Variants in AKAP9 observed in about 807,000 individuals in gnomAD.
AKAP9 encodes A-kinase anchor protein 9.
In AKAP9, 311 loss-of-function variants were observed where a neutral mutation model predicts 488.5. That is an observed-to-expected ratio of 0.64 (90% CI 0.58 to 0.70). The LOEUF (loss-of-function observed/expected upper bound fraction) is 0.70. Among genes scored for constraint, AKAP9 ranks in the 30% least tolerant of loss-of-function variants. AKAP9 has a pLI of 0.00. For missense variants in AKAP9, 4,215 were observed against 4,374.5 expected, an observed-to-expected ratio of 0.96 and a Z score of 1.03; for synonymous variants, 1,462 against 1,483.5, an observed-to-expected ratio of 0.99 and a Z score of 0.33.
intron 1 of AKAP9, among the ~76,000 whole-genome samples, chr7:91,954,209 G>A (rs1792651435): frequency 6.6e-6 from 1 of 152,134 alleles, no homozygotes; most frequent in South Asian, 2.1e-4. Context: ...CTGCATGTCA[G>A]TTTGCACATG....
At chr7:92,008,073 T>C (rs965963739) in intron 8 of AKAP9, among the ~76,000 whole-genome samples, 1 of 152,162 alleles carries the variant, frequency 6.6e-6, no homozygotes, top group Non-Finnish European at 1.5e-5. Context: ...AAGTTTATTA[T>C]TTGAAAACAC....
intron 10 of AKAP9, among the ~76,000 whole-genome samples, chr7:92,015,588 T>G (rs1801397503): frequency 6.6e-6 from 1 of 152,098 alleles, no homozygotes; most frequent in African/African-American, 2.4e-5. Context: ...GGTCTTGAAC[T>G]CCTGACCTCA....
Position 92,097,031 on chromosome 7 carries a change from C to A in AKAP9, c.10072C>A (p.Arg3358Ser). The A allele has an allele frequency of 6.2e-7, 1 of 1,614,138 alleles. No individual in the cohort carries two copies. The highest frequency in any genetic ancestry group is 1.1e-5 in the South Asian group (1 of 91,060). Residue 3358 changes from arginine to serine, a missense_variant, in exon 41 of 50, where the codon CGC (arginine) becomes AGC (serine). Transcript: ENST00000356239. ...LQKQLEEKHS[R>S]IVELLNETEK... ...GAAACAGCTAGAGGAAAAACACAGT[C>A]GCATAGTAGAATTGTTAAATGAGAC...
chr7:92,097,007 A>G lies in AKAP9; in HGVS notation c.10048A>G (p.Lys3350Glu). The G allele has an allele frequency of 6.2e-7, 1 of 1,614,198 alleles. No homozygotes were observed. Among genetic ancestry groups the G allele is most frequent in the Non-Finnish European group, 8.5e-7 (1 of 1,180,006 alleles). Reference protein sequence around the residue: ...PSEDLLKELQKQLEEKHSRIV... With the variant: ...PSEDLLKELQEQLEEKHSRIV... ...AGAGGACCTACTGAAAGAGCTGCAG[A>G]AACAGCTAGAGGAAAAACACAGTCG... The change falls in exon 41 of 50, where the codon AAA (lysine) becomes GAA (glutamate). Residue 3350 changes from lysine to glutamate, a missense_variant. This residue lies in a region of AKAP9 where 1,476 missense variants were observed against 1,477.4 expected (regional missense o/e 1.00). Coordinates refer to ENST00000356239, the MANE Select transcript of AKAP9 (RefSeq NM_005751.5).
intron 2 of AKAP9, among the ~76,000 whole-genome samples, chr7:91,974,830 C>T (rs1795464024): frequency 6.6e-6 from 1 of 151,800 alleles, no homozygotes; most frequent in African/African-American, 2.4e-5. Context: ...TACTCTCAAG[C>T]ATTTTATTTT....
chr7:91,993,195 T>TTC, intron 5 of AKAP9, 140 bp downstream of exon 5: 6 of 441,412 alleles, frequency 1.4e-5, no homozygotes, highest in East Asian at 6.2e-5. Context: ...CTTCTTCTTC[T>TTC]TTTTTTTTTT....
At position 92,029,972 on chromosome 7, in the gene AKAP9, A is replaced by G; in HGVS notation, c.4226A>G (p.Asn1409Ser). ...TMYPGSCVKKNIDGTIEFSGE... is the reference protein window; with the variant it reads ...TMYPGSCVKKSIDGTIEFSGE... ...TACCCTGGAAGTTGTGTGAAAAAGAATATTGATGGTACAATAGAGGTATTA... is the reference window on the plus strand; with the variant it reads ...TACCCTGGAAGTTGTGTGAAAAAGAGTATTGATGGTACAATAGAGGTATTA... Residue 1409 changes from asparagine to serine, a missense_variant, in exon 15 of 50, where the codon AAT (asparagine) becomes AGT (serine). Physicochemically the swap from Asn to Ser is conservative, Grantham distance 46. Transcript: ENST00000356239. The G allele has an allele frequency of 5.6e-6, 9 of 1,608,262 alleles. No individual in the cohort carries two copies. Among genetic ancestry groups the G allele is most frequent in the South Asian group, 1.1e-5 (1 of 90,912 alleles).
At position 92,001,179 on chromosome 7, in the gene AKAP9, G is replaced by A. The variant is rs864622705; in HGVS notation, c.1262G>A (p.Arg421Gln). 12 of 1,613,936 alleles carry A rather than the reference G, an allele frequency of 7.4e-6. No individual in the cohort carries two copies. Among genetic ancestry groups the A allele is most frequent in the South Asian group, 3.3e-5 (3 of 91,064 alleles). ...DSQFETDIVQ[R>Q]MEQETQRKLE... ...CAGTTCGAAACTGATATAGTACAAC[G>A]AATGGAACAAGAAACACAAAGAAAG... Residue 421 changes from arginine to glutamine, a missense_variant, in exon 8 of 50, where the codon CGA (arginine) becomes CAA (glutamine). This residue lies in a region of AKAP9 where 2,361 missense variants were observed against 2,430.0 expected (regional missense o/e 0.97). Transcript: ENST00000356239.
chr7:91,963,246 G>T (rs1793955060), intron 1 of AKAP9, among the ~76,000 whole-genome samples: 1 of 152,106 alleles, frequency 6.6e-6, no homozygotes, highest in South Asian at 2.1e-4. Context: ...GAGGCAACTG[G>T]TCTTGCACCT....
chr7:91,962,998 G>A (rs1793913372), intron 1 of AKAP9, among the ~76,000 whole-genome samples: 1 of 152,096 alleles, frequency 6.6e-6, no homozygotes, highest in Non-Finnish European at 1.5e-5. Flanking sequence ...ATTTTCTAAT[G>A]CAGACAATGT....
At chr7:92,058,027 A>C (rs1193495071) in intron 22 of AKAP9, 3 of 318,822 alleles carry the variant, frequency 9.4e-6, no homozygotes. Flanking sequence ...GTATGAATTA[A>C]TTTTATAACA....
At chr7:92,070,853 ATAATCAGG>A in intron 27 of AKAP9, 44 bp from the exon 28 acceptor site, 1 of 1,234,252 alleles carries the variant, frequency 8.1e-7, no homozygotes. Context: ...AAAAAACTGG[ATAATCAGG>A]ATTTAATTTA....
At chr7:92,046,347 C>T (rs1338184161) in intron 21 of AKAP9, among the ~76,000 whole-genome samples, 3 of 152,148 alleles carry the variant, frequency 2.0e-5, no homozygotes, top group Non-Finnish European at 4.4e-5. Context: ...TAGAGGCAGA[C>T]CTAAAATGCC....
chr7:92,103,617 C>T (rs1452385641), intron 46 of AKAP9, among the ~76,000 whole-genome samples: 2 of 151,334 alleles, frequency 1.3e-5, no homozygotes, highest in Non-Finnish European at 1.5e-5. Flanking sequence ...ATGGCATGAA[C>T]CTGGGAGGTG....
intron 23 of AKAP9, among the ~76,000 whole-genome samples, chr7:92,062,010 G>T (rs1338895275): frequency 6.6e-6 from 1 of 152,038 alleles, no homozygotes; most frequent in East Asian, 1.9e-4. Context: ...TACATAATGT[G>T]GTACTTTGGT....
At chr7:92,022,771 C>G in intron 13 of AKAP9, 43 bp from the exon 14 acceptor site, 1 of 1,292,584 alleles carries the variant, frequency 7.7e-7, no homozygotes, top group Non-Finnish European at 1.1e-6. Flanking sequence ...CACTAAGAAA[C>G]TTATATTGAA....
intron 26 of AKAP9, among the ~76,000 whole-genome samples, chr7:92,068,258 C>T (rs1007160476): frequency 2.0e-5 from 3 of 147,450 alleles, no homozygotes; most frequent in Admixed American, 1.4e-4. Context: ...CCTAGCTACT[C>T]GGGAGGCTGA....
At position 91,992,874 on chromosome 7, in the gene AKAP9, G is replaced by A. The variant is rs1231164193; in HGVS notation, c.406-11G>A. The A allele has an allele frequency of 6.2e-7, 1 of 1,612,496 alleles. No individual in the cohort carries two copies. Among genetic ancestry groups the A allele is most frequent in the Non-Finnish European group, 8.5e-7 (1 of 1,178,984 alleles). ...TAATACTGAATTCTTTAAAATCTTG[G>A]ATTGATTTAGGAAGAAGAATTTGGT... is the stretch of plus-strand genomic sequence containing the variant. On this transcript the variant is annotated splice_polypyrimidine_tract_variant and intron_variant, in intron 4 of 49. Transcript: ENST00000356239.
At chr7:91,988,660 A>C (rs1188024744) in intron 3 of AKAP9, among the ~76,000 whole-genome samples, 1 of 152,102 alleles carries the variant, frequency 6.6e-6, no homozygotes, top group Non-Finnish European at 1.5e-5. Flanking sequence ...TATGACTATC[A>C]TTTTTCTGGT....
Sources: allele counts gnomAD v4.1 joint callset (sites outside exome capture counted in the v4.1 genomes callset), GRCh38; gene constraint gnomAD v4.1.1; regional missense constraint gnomAD v4.1.1; transcripts MANE v1.5; gene names NCBI Gene and HGNC (gene_info 2026-07-23, HGNC 2026-07-21).